The following FAM184A variants were observed in gnomAD, a reference collection of about 807,000 sequenced individuals.
FAM184A encodes the protein protein FAM184A.
A neutral mutation model predicts 143.8 loss-of-function variants in FAM184A; 99 were observed. The ratio of observed to expected loss-of-function variants is 0.69; its 90% confidence interval spans 0.58 to 0.81. The LOEUF is 0.81. FAM184A is among the 40% of genes least tolerant of loss of function. FAM184A has a pLI of 0.00. For missense variants in FAM184A, 1,217 were observed against 1,310.5 expected (o/e 0.93, Z 1.10); for synonymous variants, 427 against 446.4 (o/e 0.96, Z 0.55).
intron 1 of FAM184A, among the ~76,000 whole-genome samples, chr6:119,028,996 T>C (rs1203520947): frequency 6.6e-6 from 1 of 152,174 alleles, no homozygotes; most frequent in African/African-American, 2.4e-5. Flanking sequence ...ATGTGTTCTA[T>C]CCAGTGTAAG....
intron 1 of FAM184A, among the ~76,000 whole-genome samples, chr6:119,105,617 C>T (rs558028491): frequency 5.3e-5 from 8 of 152,166 alleles, no homozygotes; most frequent in East Asian, 1.9e-4. Context: ...AGTGTGAAAA[C>T]GGACTAATAC....
At chr6:118,973,792 A>T (rs1783766013) in intron 14 of FAM184A, among the ~76,000 whole-genome samples, 1 of 152,208 alleles carries the variant, frequency 6.6e-6, no homozygotes, top group Non-Finnish European at 1.5e-5. Flanking sequence ...AATAAGAATT[A>T]GAAACTTTGG....
At chr6:119,036,912 C>T (rs766997999) in intron 1 of FAM184A, among the ~76,000 whole-genome samples, 1 of 152,054 alleles carries the variant, frequency 6.6e-6, no homozygotes, top group Non-Finnish European at 1.5e-5. Flanking sequence ...ATAAAGATTG[C>T]AGTAATTAGA....
chr6:118,979,260 G>T, intron 11 of FAM184A, 105 bp downstream of exon 11: 2 of 1,083,806 alleles, frequency 1.8e-6, no homozygotes. Flanking sequence ...TATTCATTTT[G>T]ACGTTTCAAA....
At chr6:118,996,824 C>T (rs1283259423) in intron 9 of FAM184A, among the ~76,000 whole-genome samples, 3 of 151,810 alleles carry the variant, frequency 2.0e-5, no homozygotes, top group African/African-American at 7.2e-5. Flanking sequence ...AAGCCATTCT[C>T]ATGCCTCAGC....
At chr6:119,148,187 G>A (rs1375627354) in intron 1 of FAM184A, among the ~76,000 whole-genome samples, 2 of 152,142 alleles carry the variant, frequency 1.3e-5, no homozygotes, top group African/African-American at 4.8e-5. Flanking sequence ...GGCCAGGAGA[G>A]TGTCAGCAGA....
intron 9 of FAM184A, among the ~76,000 whole-genome samples, chr6:118,993,329 ATAAC>A (rs982726430): frequency 6.6e-6 from 1 of 152,256 alleles, no homozygotes; most frequent in African/African-American, 2.4e-5. Context: ...AAAATTTACA[ATAAC>A]TAAAAAAAGT....
Position 119,122,174 on chromosome 6 carries a change from A to G in FAM184A, c.-202+26904T>C, listed in dbSNP as rs150767088. On this transcript the variant is annotated intron_variant, in intron 1 of 16. Coordinates refer to the FAM184A transcript ENST00000352896. ...TGGGGATATAGATCTTTCTAGAAGC[A>G]CTACAGAGACAGCCCTCTCCATTCT... Among the ~76,000 whole-genome samples the G allele has an allele frequency of 3.4e-3, 521 of 152,268 alleles. 2 individuals are homozygous for G. The highest frequency in any genetic ancestry group is 0.012 in the African/African-American group (505 of 41,554).
At chr6:119,135,064 C>G (rs903906105) in intron 1 of FAM184A, among the ~76,000 whole-genome samples, 18 of 152,266 alleles carry the variant, frequency 1.2e-4, no homozygotes, top group African/African-American at 4.3e-4. Flanking sequence ...TTTGCAGAAG[C>G]CTTACTCTTA....
Position 118,960,198 on chromosome 6 carries a change from AAG to A in FAM184A, c.3342-16_3342-15del, listed in dbSNP as rs539591182. ...CTCTGAGCAGGACTGAATTCATAAA[AAG>A]AGAGACATGTAACCCAGCATTAAGT... On this transcript the variant is annotated splice_polypyrimidine_tract_variant and intron_variant, in intron 17 of 17. Transcript: ENST00000338891. The A allele has an allele frequency of 1.4e-4, 227 of 1,607,764 alleles. 1 individual carries two copies. The African/African-American group carries it at 2.9e-3, about 20-fold the overall frequency.
At chr6:118,999,476 G>A (rs1784682582) in intron 9 of FAM184A, among the ~76,000 whole-genome samples, 1 of 151,958 alleles carries the variant, frequency 6.6e-6, no homozygotes, top group Admixed American at 6.6e-5. Context: ...TCTTATTACT[G>A]TATTCCTCGT....
intron 1 of FAM184A, among the ~76,000 whole-genome samples, chr6:119,070,232 G>A (rs192357011): frequency 1.3e-5 from 2 of 152,160 alleles, no homozygotes; most frequent in Admixed American, 6.5e-5. Context: ...ATACATTCTC[G>A]TTGAAGTTTT....
Position 119,078,051 on chromosome 6 carries a change from G to A in FAM184A, c.159+90C>T, listed in dbSNP as rs1158142150. 4.9e-6 allele frequency: 7 copies of A among 1,424,226 alleles called. No homozygotes were observed. The highest frequency in any genetic ancestry group is 2.4e-4 in the Middle Eastern group (1 of 4,086). The allele number at this position is 1,424,226 out of a possible 1,614,324, so 88.2% of individuals were successfully genotyped here. On this transcript the variant is annotated intron_variant, in intron 1 of 17. Coordinates refer to ENST00000338891, the MANE Select transcript of FAM184A (RefSeq NM_024581.6). The surrounding 1 kb of genome is among the most constrained non-coding windows in gnomAD (Gnocchi z 5.5). ...GGAGGAGTAGAGTTCCCCTCGCTGC[G>A]GGCGCAGGGCGCACTGCCTCCCGGG...
In FAM184A at chr6:118,964,787, A is replaced by G; in HGVS notation, c.3034-16T>C. On this transcript the variant is annotated splice_polypyrimidine_tract_variant and intron_variant, in intron 15 of 17. Coordinates refer to ENST00000338891, the MANE Select transcript of FAM184A (RefSeq NM_024581.6). Reference sequence around the variant, plus strand: ...TATTATCCTCCTATGCAAAAGAATTATAAACATCTTTTAAATATTTTCTAT... The same window carrying G: ...TATTATCCTCCTATGCAAAAGAATTGTAAACATCTTTTAAATATTTTCTAT... The G allele has an allele frequency of 7.7e-7, 1 of 1,294,772 alleles. No homozygotes were observed. Among genetic ancestry groups the G allele is most frequent in the Non-Finnish European group, 1.1e-6 (1 of 902,952 alleles). 80.2% of individuals were successfully genotyped at this position (1,294,772 alleles called of 1,614,324 possible).
chr6:119,085,553 C>T (rs1021975681), intron 1 of FAM184A, among the ~76,000 whole-genome samples: 1 of 152,132 alleles, frequency 6.6e-6, no homozygotes, highest in Non-Finnish European at 1.5e-5. Context: ...CCTTCATTTT[C>T]CTGTCTTCTT....
chr6:119,089,723 C>T (rs186924273), intron 1 of FAM184A, among the ~76,000 whole-genome samples: 1 of 152,262 alleles, frequency 6.6e-6, no homozygotes, highest in Non-Finnish European at 1.5e-5. Flanking sequence ...ACAAAATAAG[C>T]CTAAATAAGG....
intron 14 of FAM184A, among the ~76,000 whole-genome samples, chr6:118,970,008 A>ATTTTTTTTTTTTTTTTTTT (rs11272298): frequency 5.2e-5 from 1 of 19,054 alleles, no homozygotes; most frequent in African/African-American, 1.5e-4. Context: ...ATATATATAT[A>ATTTTTTTTTTTTTTTTTTT]TTTTTTTTTT....
chr6:119,113,222 A>G (rs1308638385), intron 1 of FAM184A, among the ~76,000 whole-genome samples: 1 of 152,164 alleles, frequency 6.6e-6, no homozygotes, highest in Non-Finnish European at 1.5e-5. Flanking sequence ...TGCTCTCATT[A>G]TGTTCCTGAA....
chr6:119,050,933 A>G (rs1023424351), intron 1 of FAM184A, among the ~76,000 whole-genome samples: 1 of 152,234 alleles, frequency 6.6e-6, no homozygotes, highest in African/African-American at 2.4e-5. Flanking sequence ...TCACTTATAA[A>G]TGGGAGCTAA....
Sources: allele counts gnomAD v4.1 joint callset (sites outside exome capture counted in the v4.1 genomes callset), GRCh38; gene constraint gnomAD v4.1.1; non-coding constraint Gnocchi (gnomAD v3.1); transcripts MANE v1.5; gene names NCBI Gene and HGNC (gene_info 2026-07-23, HGNC 2026-07-21).